Variants in PSMC2 observed in about 807,000 individuals in gnomAD.
The protein encoded by PSMC2 is 26S proteasome regulatory subunit 7.
In PSMC2, 7 loss-of-function variants were observed where a neutral mutation model predicts 53.3. That is an observed-to-expected ratio of 0.13 (90% CI 0.07 to 0.25). PSMC2 has a LOEUF of 0.25. Ranked by LOEUF, PSMC2 falls within the 10% of genes least tolerant of loss-of-function variation. PSMC2 has a pLI of 1.00. For missense variants in PSMC2, 241 were observed against 544.0 expected (o/e 0.44, Z 5.54); for synonymous variants, 169 against 183.9 (o/e 0.92, Z 0.66).
chr7:103,350,386 G>T (rs1379079843), intron 1 of PSMC2, among the ~76,000 whole-genome samples: 1 of 152,084 alleles, frequency 6.6e-6, no homozygotes, highest in Non-Finnish European at 1.5e-5. Context: ...GGTTTATATA[G>T]AATTAGATAA....
chr7:103,348,799 G>C, intron 1 of PSMC2: 1 of 805,310 alleles, frequency 1.2e-6, no homozygotes, highest in Admixed American at 1.7e-5. Flanking sequence ...GATTATCCAA[G>C]GCATCTACCC....
intron 4 of PSMC2, among the ~76,000 whole-genome samples, chr7:103,359,172 A>ATTTTTTTTTTTTTTTTT (rs1586155184): frequency 5.1e-5 from 3 of 58,384 alleles, no homozygotes; most frequent in Non-Finnish European, 6.4e-5. Flanking sequence ...TTTTTTTTTA[A>ATTTTTTTTTTTTTTTTT]TTTTTAGTAG....
Position 103,367,409 on chromosome 7 carries a change from T to C in PSMC2, c.845-4T>C. ...AGAGCTTATCTTTCCTTTTGTCTTC[T>C]CAGGGGCTCGTTTTGATGATGGTGC... On this transcript the variant is annotated splice_polypyrimidine_tract_variant and splice_region_variant and intron_variant, in intron 9 of 11. Coordinates refer to ENST00000292644, the MANE Select transcript of PSMC2 (RefSeq NM_002803.4). The surrounding 1 kb of genome is among the most constrained non-coding windows in gnomAD (Gnocchi z 6.1). 2 of 1,613,332 alleles carry C rather than the reference T, an allele frequency of 1.2e-6. No homozygotes were observed. Among genetic ancestry groups the C allele is most frequent in the Admixed American group, 1.7e-5 (1 of 60,016 alleles).
chr7:103,364,981 A>ATATATATATATTTATT (rs950613120), intron 8 of PSMC2, among the ~76,000 whole-genome samples: 26 of 140,784 alleles, frequency 1.8e-4, no homozygotes, highest in African/African-American at 6.3e-4. Context: ...ATATATATAT[A>ATATATATATATTTATT]TATTTAGAGA....
chr7:103,356,872 G>C (rs1820065043), intron 4 of PSMC2, among the ~76,000 whole-genome samples: 1 of 151,998 alleles, frequency 6.6e-6, no homozygotes, highest in African/African-American at 2.4e-5. Flanking sequence ...ATTCTCCTCT[G>C]TTTATAATCC....
rs1488069180 is a variant in PSMC2, at chr7:103,368,918, GAATCCTCAAC to G, written c.*866_*875del. ...TATTTTAAAAATAAAGGTTATATTAGAATCCTCAACATCTCTTTAAAATTACCTCCTGTGT... is the reference window on the plus strand; with the variant it reads ...TATTTTAAAAATAAAGGTTATATTAGATCTCTTTAAAATTACCTCCTGTGT... On this transcript the variant is annotated 3_prime_UTR_variant, in exon 12 of 12. Transcript: ENST00000292644. The G allele has an allele frequency of 4.4e-5, 1 of 22,986 alleles. No individual in the cohort carries two copies. Among genetic ancestry groups the G allele is most frequent in the Non-Finnish European group, 1.2e-4 (1 of 8,680 alleles). The allele number at this position is 22,986 out of a possible 1,614,324, so 1.4% of individuals were successfully genotyped here.
intron 1 of PSMC2, among the ~76,000 whole-genome samples, chr7:103,353,393 G>A (rs1048777858): frequency 6.6e-6 from 1 of 152,088 alleles, no homozygotes; most frequent in African/African-American, 2.4e-5. Context: ...TGCAACCTCC[G>A]CCTCCTGGGT....
chr7:103,360,385 A>G (rs922509469), intron 4 of PSMC2, among the ~76,000 whole-genome samples: 5 of 152,004 alleles, frequency 3.3e-5, no homozygotes, highest in Admixed American at 6.6e-5. Context: ...GAGAATGGGT[A>G]TAATTCTTCT....
At chr7:103,354,689 T>C (rs1309715162) in intron 2 of PSMC2, among the ~76,000 whole-genome samples, 179 bp from the exon 3 acceptor site, 1 of 152,174 alleles carries the variant, frequency 6.6e-6, no homozygotes, top group East Asian at 1.9e-4. Flanking sequence ...ATTTGTTATC[T>C]TGCATAATAG....
chr7:103,358,441 T>C (rs962236264), intron 4 of PSMC2, among the ~76,000 whole-genome samples: 2 of 152,192 alleles, frequency 1.3e-5, no homozygotes, highest in Non-Finnish European at 2.9e-5. Flanking sequence ...AATTCTCTTA[T>C]TTGGATATGG....
chr7:103,350,723 C>T (rs1229709633), intron 1 of PSMC2, among the ~76,000 whole-genome samples: 1 of 151,236 alleles, frequency 6.6e-6, no homozygotes, highest in Non-Finnish European at 1.5e-5. Flanking sequence ...GTTTCAAATT[C>T]CTGGGCTCAA....
chr7:103,355,994 G>T (rs977919338), intron 4 of PSMC2, among the ~76,000 whole-genome samples: 1 of 152,116 alleles, frequency 6.6e-6, no homozygotes, highest in East Asian at 1.9e-4. Context: ...TCATTTAAAA[G>T]ATTTAAATGA....
In PSMC2 at chr7:103,348,648, G is replaced by A. The variant is rs1028881486; in HGVS notation, c.70+867G>A. ...GGAGCCACCCGCGAAAATTCGGCCAGGGTTCTCGCTCTTGTCGCGTCTGTT... is the reference window on the plus strand; with the variant it reads ...GGAGCCACCCGCGAAAATTCGGCCAAGGTTCTCGCTCTTGTCGCGTCTGTT... On this transcript the variant is annotated intron_variant, in intron 1 of 11. Transcript: ENST00000292644. 5 of 1,496,572 alleles carry A rather than the reference G, an allele frequency of 3.3e-6. No homozygotes were observed. In the African/African-American group the frequency reaches 6.9e-5, roughly 21 times the overall value. 92.7% of individuals were successfully genotyped at this position (1,496,572 alleles called of 1,614,324 possible).
rs1820774339 is a variant in PSMC2, at chr7:103,367,407, TCTC to T, written c.845-5_845-3del. ...GAAGAGCTTATCTTTCCTTTTGTCT[TCTC>T]AGGGGCTCGTTTTGATGATGGTGCT... On this transcript the variant is annotated splice_polypyrimidine_tract_variant and splice_region_variant and intron_variant, in intron 9 of 11. Coordinates refer to ENST00000292644, the MANE Select transcript of PSMC2 (RefSeq NM_002803.4). This position sits in a 1 kb window ranked among gnomAD's most constrained non-coding sequence, Gnocchi z 6.1. 1.9e-6 allele frequency: 3 copies of T among 1,613,116 alleles called. No homozygotes were observed. The highest frequency in any genetic ancestry group is 2.7e-5 in the African/African-American group (2 of 74,886).
At chr7:103,350,564 T>C (rs1383002269) in intron 1 of PSMC2, among the ~76,000 whole-genome samples, 1 of 152,274 alleles carries the variant, frequency 6.6e-6, no homozygotes, top group African/African-American at 2.4e-5. Flanking sequence ...TCATAGTCAC[T>C]GCAGGCTGGG....
rs1819878579 is a variant in PSMC2 at position 103,353,972 on chromosome 7, G to A, written c.108+14G>A. The A allele has an allele frequency of 6.4e-7, 1 of 1,572,686 alleles. No individual in the cohort carries two copies. Among genetic ancestry groups the A allele is most frequent in the Admixed American group, 1.7e-5 (1 of 58,692 alleles). On this transcript the variant is annotated intron_variant, in intron 2 of 11. Coordinates refer to ENST00000292644, the MANE Select transcript of PSMC2 (RefSeq NM_002803.4). ...TTGAAAACTTATGTAAGTCCTTTCA[G>A]TGTCTACAAACTATAGATGTTTTAT...
At chr7:103,361,510 C>CAAAAAAAAAAA (rs759044767) in intron 4 of PSMC2, among the ~76,000 whole-genome samples, 2 of 51,098 alleles carry the variant, frequency 3.9e-5, no homozygotes, top group African/African-American at 6.5e-5. Flanking sequence ...AACTCCATCT[C>CAAAAAAAAAAA]AAAAAAAAAA....
intron 4 of PSMC2, among the ~76,000 whole-genome samples, chr7:103,358,519 CT>C (rs1352637240): frequency 6.6e-6 from 1 of 151,936 alleles, no homozygotes; most frequent in African/African-American, 2.4e-5. Flanking sequence ...TGCCTTTTTA[CT>C]TTACTTTCTA....
At position 103,366,182 on chromosome 7, in the gene PSMC2, A is replaced by G; in HGVS notation, c.844+19A>G. 1 of 1,579,722 alleles carries G rather than the reference A, an allele frequency of 6.3e-7. No individual in the cohort carries two copies. Among genetic ancestry groups the G allele is most frequent in the African/African-American group, 1.3e-5 (1 of 74,224 alleles). On this transcript the variant is annotated intron_variant, in intron 9 of 11. Coordinates refer to ENST00000292644, the MANE Select transcript of PSMC2 (RefSeq NM_002803.4). ...ATTGGAGGTGAGAATGATACGTTAG[A>G]GAACTGCTTTAGGATTCAGTTTCAT...
Sources: gnomAD v4.1 joint callset for allele counts (sites outside exome capture counted in the v4.1 genomes callset) on GRCh38, gnomAD v4.1.1 for gene constraint, Gnocchi (gnomAD v3.1) non-coding constraint, MANE v1.5 for transcripts, NCBI Gene and HGNC (gene_info 2026-07-23, HGNC 2026-07-21) for gene names.